Variants in TRANK1 observed in about 807,000 individuals in gnomAD.
The protein encoded by TRANK1 is TPR and ankyrin repeat-containing protein 1.
In TRANK1, 198 loss-of-function variants were observed where a neutral mutation model predicts 266.0. The ratio of observed to expected loss-of-function variants is 0.74; its 90% confidence interval spans 0.66 to 0.84. The LOEUF is 0.84. Among genes scored for constraint, TRANK1 ranks in the 40% least tolerant of loss-of-function variants. The pLI is 0.00. For missense variants in TRANK1, 3,326 were observed against 3,634.6 expected (o/e 0.92, Z 2.18); for synonymous variants, 1,396 against 1,384.1 (o/e 1.01, Z -0.19).
At chr3:36,875,738 T>C (rs145912729) in intron 8 of TRANK1, among the ~76,000 whole-genome samples, 169 of 152,362 alleles carry the variant, frequency 1.1e-3, no homozygotes, top group African/African-American at 4.0e-3. Context: ...TAAAAGGCAC[T>C]ACATAATCCA....
intron 1 of TRANK1, among the ~76,000 whole-genome samples, chr3:36,910,841 G>A (rs568444054): frequency 4.6e-5 from 7 of 152,208 alleles, no homozygotes; most frequent in South Asian, 4.1e-4. Context: ...CAGCTGAGGC[G>A]GGCGGATCAC....
chr3:36,831,181 G>C lies in TRANK1; in HGVS notation c.8402C>G (p.Ser2801Cys). 1.2e-6 allele frequency: 2 copies of C among 1,613,960 alleles called. No homozygotes were observed. Among genetic ancestry groups the C allele is most frequent in the Non-Finnish European group, 1.7e-6 (2 of 1,179,886 alleles). Residue 2801 changes from serine (S) to cysteine (C), a missense_variant, in exon 22 of 24, where the codon TCC becomes TGC. Transcript: ENST00000645898. The surrounding 1 kb of genome is among the most constrained non-coding windows in gnomAD (Gnocchi z 5.0). ...CTCCTCCCTTTCCAGCTCAGCCCTG[G>C]AAAGGACTGCCACCTCGGAAGCTGC... is the stretch of plus-strand genomic sequence containing the variant. ...EGAASEVAVL[S>C]RAELEREECQ... is the part of the protein sequence containing the mutation.
chr3:36,838,652 T>C lies in TRANK1; in HGVS notation c.5345A>G (p.Asp1782Gly). The C allele has an allele frequency of 6.2e-7, 1 of 1,613,994 alleles. No homozygotes were observed. Among genetic ancestry groups the C allele is most frequent in the African/African-American group, 1.3e-5 (1 of 75,072 alleles). Residue 1782 changes from aspartate to glycine, a missense_variant, in exon 19 of 24, where the codon GAC becomes GGC. Physicochemically the swap from Asp to Gly is moderately conservative, Grantham distance 94. Transcript: ENST00000645898. ...CTTGGATTTCATGCTCAGGGCAGTG[T>C]CATGGGCCAGGGCCAACTTCTCCTT... Reference protein sequence around the residue: ...FEKEKLALAHDTALSMKSKKV... With the variant: ...FEKEKLALAHGTALSMKSKKV...
intron 1 of TRANK1, among the ~76,000 whole-genome samples, chr3:36,923,513 C>T (rs1332997342): frequency 6.6e-6 from 1 of 152,158 alleles, no homozygotes; most frequent in Non-Finnish European, 1.5e-5. Context: ...GCCTCGGCAT[C>T]CCAAAGTGCT....
intron 3 of TRANK1, among the ~76,000 whole-genome samples, chr3:36,901,430 C>A (rs967633571): frequency 6.6e-6 from 1 of 152,108 alleles, no homozygotes; most frequent in African/African-American, 2.4e-5. Flanking sequence ...AGTTTGCAGC[C>A]CCTAGAGACC....
intron 1 of TRANK1, among the ~76,000 whole-genome samples, chr3:36,917,587 A>G (rs546913285): frequency 2.9e-4 from 44 of 152,024 alleles, no homozygotes; most frequent in African/African-American, 9.7e-4. Flanking sequence ...AGGGCAGGAG[A>G]TGTTGGAAGT....
At chr3:36,890,419 CT>C (rs2079673576) in intron 7 of TRANK1, among the ~76,000 whole-genome samples, 1 of 152,070 alleles carries the variant, frequency 6.6e-6, no homozygotes, top group South Asian at 2.1e-4. Context: ...TGGGGCTGGC[CT>C]TTTGAATCCC....
Position 36,944,997 on chromosome 3 carries a change from G to T in TRANK1, c.-188C>A, listed in dbSNP as rs1179623410. The T allele has an allele frequency of 6.0e-6, 3 of 502,524 alleles. No individual in the cohort carries two copies. The highest frequency in any genetic ancestry group is 1.0e-5 in the Non-Finnish European group (3 of 297,204). 31.1% of individuals were successfully genotyped at this position (502,524 alleles called of 1,614,324 possible). A position where few individuals can be genotyped will look rare whatever the true frequency, so the allele number is the denominator to read the frequency against. On this transcript the variant is annotated 5_prime_UTR_variant, in exon 1 of 24. Coordinates refer to ENST00000645898, the MANE Select transcript of TRANK1 (RefSeq NM_001329998.2). ...CTCGGCTACCCAGCCGCGATCAGAG[G>T]GGGCGGGGGACGCAGGAACCCCGGC...
At chr3:36,865,946 G>GAGAGAGAGAGACAGAGAGAGAC (rs2079211433) in intron 9 of TRANK1, among the ~76,000 whole-genome samples, 1 of 150,622 alleles carries the variant, frequency 6.6e-6, no homozygotes, top group Non-Finnish European at 1.5e-5. Flanking sequence ...AAAAAAGAGA[G>GAGAGAGAGAGACAGAGAGAGAC]AGAGAGAGAG....
rs748892455 is a variant in TRANK1, at chr3:36,855,641, G to A, written c.4081C>T (p.Leu1361Phe). 6.2e-7 allele frequency: 1 copy of A among 1,613,864 alleles called. No homozygotes were observed. Among genetic ancestry groups the A allele is most frequent in the Admixed American group, 1.7e-5 (1 of 60,012 alleles). The change falls in exon 13 of 24, where the codon CTC becomes TTC. Residue 1361 changes from leucine (L) to phenylalanine (F), a missense_variant. Leu to Phe is a conservative substitution (Grantham distance 22, BLOSUM62 0). Coordinates refer to ENST00000645898, the MANE Select transcript of TRANK1 (RefSeq NM_001329998.2). The stretch of plus-strand genomic sequence containing the variant: ...GTGAGTCTCCCATGGGGACAGCTGA[G>A]GGCCTCAAAAGAACCCTTTAGAAAA... ...KSFLKGSFEA[L>F]SCPHGRLTEE...
intron 1 of TRANK1, among the ~76,000 whole-genome samples, chr3:36,935,445 C>CTTTTTT (rs11374436): frequency 7.2e-5 from 6 of 83,704 alleles, no homozygotes; most frequent in Non-Finnish European, 1.1e-4. Flanking sequence ...TGCCTGAATT[C>CTTTTTT]TTTTTTTTTT....
At chr3:36,885,975 T>C (rs1276572842) in intron 8 of TRANK1, among the ~76,000 whole-genome samples, 1 of 151,954 alleles carries the variant, frequency 6.6e-6, no homozygotes, top group Non-Finnish European at 1.5e-5. Context: ...AAATATTCCC[T>C]GATGAAAAAG....
chr3:36,847,386 T>G, intron 15 of TRANK1, 40 bp from the exon 16 acceptor site: 1 of 1,607,918 alleles, frequency 6.2e-7, no homozygotes, highest in Non-Finnish European at 8.5e-7. Flanking sequence ...CAGAATATGC[T>G]TTTGAACTAC....
chr3:36,834,736 G>A, intron 21 of TRANK1, 26 bp downstream of exon 21: 1 of 1,600,550 alleles, frequency 6.2e-7, no homozygotes, highest in Non-Finnish European at 8.5e-7. Context: ...AAGAGAGGGA[G>A]AAAGGGAGAG....
chr3:36,844,445 T>C (rs1316005137), intron 17 of TRANK1, among the ~76,000 whole-genome samples: 2 of 152,204 alleles, frequency 1.3e-5, no homozygotes, highest in African/African-American at 4.8e-5. Flanking sequence ...CAGGCTGGTC[T>C]TGAACTCCTG....
intron 10 of TRANK1, among the ~76,000 whole-genome samples, chr3:36,863,682 T>G (rs897572952): frequency 2.0e-5 from 3 of 152,098 alleles, no homozygotes; most frequent in Non-Finnish European, 4.4e-5. Flanking sequence ...CTTAAAGAGG[T>G]TAATTAATTG....
At position 36,877,033 on chromosome 3, in the gene TRANK1, GC is replaced by G. The variant is rs1255388223; in HGVS notation, c.908-2738del. Among the ~76,000 whole-genome samples the G allele has an allele frequency of 2.0e-5, 3 of 152,122 alleles. No homozygotes were observed. The East Asian group carries it at 5.8e-4, about 29-fold the overall frequency. On this transcript the variant is annotated intron_variant, in intron 8 of 23. Coordinates refer to ENST00000645898, the MANE Select transcript of TRANK1 (RefSeq NM_001329998.2). ...ACAAACAAAGCTGAAGATTTCTAAG[GC>G]CCAACTGACACTGCAATTTTTTCAA...
At chr3:36,840,907 CTA>C (rs1404568371) in intron 18 of TRANK1, among the ~76,000 whole-genome samples, 4 of 152,246 alleles carry the variant, frequency 2.6e-5, no homozygotes, top group African/African-American at 9.6e-5. Flanking sequence ...TGTTAAGCCA[CTA>C]TGTTTCAGGA....
chr3:36,891,747 G>C (rs1326158832), intron 7 of TRANK1, among the ~76,000 whole-genome samples: 3 of 152,244 alleles, frequency 2.0e-5, no homozygotes, highest in Non-Finnish European at 4.4e-5. Flanking sequence ...ATCAGCAACA[G>C]CTCATGTCTC....
Sources: gnomAD v4.1 joint callset for allele counts (sites outside exome capture counted in the v4.1 genomes callset) on GRCh38, gnomAD v4.1.1 for gene constraint, Gnocchi (gnomAD v3.1) non-coding constraint, MANE v1.5 for transcripts, NCBI Gene and HGNC (gene_info 2026-07-23, HGNC 2026-07-21) for gene names.